FAF1: variants seen among roughly 807,000 people sequenced by gnomAD.
FAF1 encodes the protein Fas associated factor 1.
In FAF1, 25 loss-of-function variants were observed where a neutral mutation model predicts 92.5. That is an observed-to-expected ratio of 0.27 (90% CI 0.20 to 0.38). FAF1 has a LOEUF of 0.38. Ranked by LOEUF, FAF1 falls within the 10% of genes least tolerant of loss-of-function variation. FAF1 has a pLI of 1.00. For missense variants in FAF1, 636 were observed against 793.3 expected, an observed-to-expected ratio of 0.80 and a Z score of 2.38; for synonymous variants, 234 against 273.2, an observed-to-expected ratio of 0.86 and a Z score of 1.42.
At chr1:50,639,933 C>CAAGAA (rs1366151552) in intron 8 of FAF1, among the ~76,000 whole-genome samples, 1 of 70,164 alleles carries the variant, frequency 1.4e-5, no homozygotes, top group Non-Finnish European at 3.0e-5. Context: ...GACTCGATCT[C>CAAGAA]AAAAAAAAAA....
chr1:50,512,532 T>C (rs946381520), intron 15 of FAF1, among the ~76,000 whole-genome samples: 6 of 152,200 alleles, frequency 3.9e-5, no homozygotes. Context: ...TTGTCAAAGA[T>C]TAGATGGTTG....
intron 1 of FAF1, among the ~76,000 whole-genome samples, chr1:50,886,644 T>C (rs1644668240): frequency 6.6e-6 from 1 of 152,130 alleles, no homozygotes; most frequent in South Asian, 2.1e-4. Context: ...TTTTTTCTCC[T>C]TGCAATAGTT....
intron 7 of FAF1, among the ~76,000 whole-genome samples, chr1:50,665,090 T>C (rs531387707): frequency 2.7e-4 from 41 of 152,342 alleles, no homozygotes; most frequent in Middle Eastern, 3.4e-3. Flanking sequence ...AGTAAATTAA[T>C]CAATTTATAA....
chr1:50,695,709 G>C (rs937418825), intron 7 of FAF1, among the ~76,000 whole-genome samples: 1 of 152,058 alleles, frequency 6.6e-6, no homozygotes, highest in Non-Finnish European at 1.5e-5. Context: ...GTGCAGTGGC[G>C]CGATCTCGGC....
chr1:50,657,347 T>G (rs1655162198), intron 7 of FAF1, among the ~76,000 whole-genome samples: 1 of 151,888 alleles, frequency 6.6e-6, no homozygotes, highest in Non-Finnish European at 1.5e-5. Flanking sequence ...ATGGCATTAT[T>G]ATCCTACTGT....
At chr1:50,477,831 T>C (rs939251911) in intron 17 of FAF1, among the ~76,000 whole-genome samples, 1 of 152,212 alleles carries the variant, frequency 6.6e-6, no homozygotes, top group Non-Finnish European at 1.5e-5. Context: ...AGATGCTCAA[T>C]ATGCACTTGG....
At chr1:50,513,329 C>G (rs892074508) in intron 15 of FAF1, among the ~76,000 whole-genome samples, 23 of 152,114 alleles carry the variant, frequency 1.5e-4, no homozygotes, top group African/African-American at 5.6e-4. Flanking sequence ...GAAAAAAATA[C>G]AAAAATTAAC....
chr1:50,825,227 C>T (rs1451076264), intron 2 of FAF1, among the ~76,000 whole-genome samples: 2 of 152,014 alleles, frequency 1.3e-5, no homozygotes, highest in East Asian at 1.9e-4. Flanking sequence ...TAAATATGTA[C>T]ATTATGTGTC....
intron 1 of FAF1, among the ~76,000 whole-genome samples, chr1:50,946,512 C>T (rs1447382926): frequency 2.0e-5 from 3 of 152,186 alleles, no homozygotes; most frequent in African/African-American, 7.2e-5. Context: ...GTTAACCAAC[C>T]TATGAAGACA....
At chr1:50,733,365 T>C (rs1379516271) in intron 6 of FAF1, among the ~76,000 whole-genome samples, 1 of 152,242 alleles carries the variant, frequency 6.6e-6, no homozygotes, top group African/African-American at 2.4e-5. Context: ...CCTTTCCTAC[T>C]GTCTCTAAAC....
chr1:50,836,963 T>TA (rs1378937094), intron 2 of FAF1, among the ~76,000 whole-genome samples: 1 of 135,784 alleles, frequency 7.4e-6, no homozygotes, highest in Non-Finnish European at 1.6e-5. Flanking sequence ...TTTTTTTTTT[T>TA]TTTTTTTTTT....
intron 8 of FAF1, among the ~76,000 whole-genome samples, chr1:50,607,617 G>A (rs1404699300): frequency 1.3e-5 from 2 of 152,148 alleles, no homozygotes; most frequent in East Asian, 1.9e-4. Flanking sequence ...TATTTCTTAG[G>A]CATGTGAACA....
intron 1 of FAF1, among the ~76,000 whole-genome samples, chr1:50,891,982 T>A (rs373016910): frequency 6.6e-6 from 1 of 152,172 alleles, no homozygotes; most frequent in African/African-American, 2.4e-5. Flanking sequence ...CAGGCAGGCC[T>A]CCTTGAGCTG....
At chr1:50,509,675 A>C (rs1269967565) in intron 15 of FAF1, among the ~76,000 whole-genome samples, 2 of 152,108 alleles carry the variant, frequency 1.3e-5, no homozygotes, top group Non-Finnish European at 2.9e-5. Flanking sequence ...GAGTACTAGG[A>C]CCAGGACATT....
intron 13 of FAF1, among the ~76,000 whole-genome samples, chr1:50,556,058 A>T (rs1386049972): frequency 6.6e-6 from 1 of 151,696 alleles, no homozygotes; most frequent in Admixed American, 6.6e-5. Flanking sequence ...TCTTCAATGA[A>T]ACCCCGTCTC....
intron 2 of FAF1, among the ~76,000 whole-genome samples, chr1:50,828,623 A>T (rs1438104303): frequency 2.0e-5 from 3 of 152,188 alleles, no homozygotes; most frequent in Non-Finnish European, 2.9e-5. Context: ...GAGAAAAACA[A>T]AACAAACTTC....
intron 8 of FAF1, among the ~76,000 whole-genome samples, chr1:50,618,663 G>C (rs1019599193): frequency 2.6e-5 from 4 of 151,718 alleles, no homozygotes; most frequent in Non-Finnish European, 5.9e-5. Context: ...CTGTTGTGCT[G>C]TACCCTTTAT....
intron 1 of FAF1, among the ~76,000 whole-genome samples, chr1:50,859,247 TG>T (rs1644413570): frequency 1.3e-5 from 2 of 151,902 alleles, no homozygotes; most frequent in South Asian, 4.1e-4. Context: ...AACATAGTAC[TG>T]GAAGTGTTGG....
chr1:50,824,016 G>A (rs1644069723), intron 2 of FAF1, among the ~76,000 whole-genome samples: 1 of 151,848 alleles, frequency 6.6e-6, no homozygotes, highest in African/African-American at 2.4e-5. Context: ...CATGTGTTCT[G>A]GAAAATTATA....
Sources: gnomAD v4.1 joint callset for allele counts (sites outside exome capture counted in the v4.1 genomes callset) on GRCh38, gnomAD v4.1.1 for gene constraint, MANE v1.5 for transcripts, NCBI Gene and HGNC (gene_info 2026-07-23, HGNC 2026-07-21) for gene names.